The following PCDHA3 variants were observed in gnomAD, a reference collection of about 807,000 sequenced individuals.
PCDHA3 encodes the protein protocadherin alpha 3, also known as protocadherin alpha-3.
PCDHA3 carries 41 observed loss-of-function variants against 62.2 expected under a neutral mutation model. That is an observed-to-expected ratio of 0.66 (90% confidence interval 0.51 to 0.86). The LOEUF (loss-of-function observed/expected upper bound fraction) is 0.86, where lower values mean the gene tolerates loss of function less well. Ranked by LOEUF, PCDHA3 falls within the 40% of genes least tolerant of loss-of-function variation. PCDHA3 has a pLI of 0.00. For missense variants in PCDHA3, 1,304 were observed against 1,241.2 expected, an observed-to-expected ratio of 1.05 and a Z score of -0.76; for synonymous variants, 640 against 555.4, an observed-to-expected ratio of 1.15 and a Z score of -2.14.
chr5:140,905,851 A>G (rs1345912722), intron 1 of PCDHA3, among the ~76,000 whole-genome samples: 1 of 152,204 alleles, frequency 6.6e-6, no homozygotes, highest in Non-Finnish European at 1.5e-5. Context: ...ATTAAGGAGT[A>G]TTAACTCACA....
chr5:140,845,723 T>A (rs1461937173), intron 1 of PCDHA3, among the ~76,000 whole-genome samples: 7 of 149,666 alleles, frequency 4.7e-5, no homozygotes, highest in African/African-American at 1.5e-4. Context: ...GCATGATAAA[T>A]GTGAATTCTA....
At chr5:140,967,092 C>A (rs782344374) in intron 1 of PCDHA3, 4 of 1,613,156 alleles carry the variant, frequency 2.5e-6, no homozygotes, top group Non-Finnish European at 2.5e-6. Context: ...GATCGGGAGG[C>A]GCTGTGTGAG....
intron 1 of PCDHA3, among the ~76,000 whole-genome samples, chr5:140,935,456 C>G (rs981681011): frequency 6.6e-6 from 1 of 152,150 alleles, no homozygotes; most frequent in Non-Finnish European, 1.5e-5. Flanking sequence ...GATACTGTAG[C>G]AGTTTAAGTT....
intron 1 of PCDHA3, among the ~76,000 whole-genome samples, chr5:140,918,479 G>T (rs895821639): frequency 1.3e-5 from 2 of 152,092 alleles, no homozygotes; most frequent in Non-Finnish European, 2.9e-5. Flanking sequence ...AGTCTCAAGG[G>T]GAATGCTTTG....
At position 140,909,620 on chromosome 5, in the gene PCDHA3, A is replaced by G. The variant is rs576090849; in HGVS notation, c.2395-69329A>G. On this transcript the variant is annotated intron_variant, in intron 1 of 3. Transcript: ENST00000522353. Reference sequence around the variant, plus strand: ...ATTTTTCTAGGTAGAGGCAGCTCTAATTGGTCTTCCTATTTTGTCTTTTCC... The same window carrying G: ...ATTTTTCTAGGTAGAGGCAGCTCTAGTTGGTCTTCCTATTTTGTCTTTTCC... Among the ~76,000 whole-genome samples the G allele has an allele frequency of 3.8e-4, 58 of 152,240 alleles. 2 individuals carry two copies. The Middle Eastern group carries it at 0.01, about 27-fold the overall frequency.
At position 140,841,334 on chromosome 5, in the gene PCDHA3, T is replaced by C. The variant is rs2150313767; in HGVS notation, c.2394+37743T>C. The C allele has an allele frequency of 4.1e-5, 65 of 1,588,822 alleles. No homozygotes were observed. The African/African-American group carries it at 7.9e-4, about 19-fold the overall frequency. ...ACGACTATTTAACATGGATTATCAC[T>C]GGCGAGGAGAGCTGGGATCCTGGCG... On this transcript the variant is annotated intron_variant, in intron 1 of 3. Coordinates refer to ENST00000522353, the MANE Select transcript of PCDHA3 (RefSeq NM_018906.3).
At chr5:140,913,160 G>A (rs1437493261) in intron 1 of PCDHA3, among the ~76,000 whole-genome samples, 2 of 152,274 alleles carry the variant, frequency 1.3e-5, no homozygotes, top group East Asian at 3.9e-4. Flanking sequence ...AGTAGGATTG[G>A]TATTAGTTCT....
intron 3 of PCDHA3, among the ~76,000 whole-genome samples, chr5:140,989,715 G>A (rs2097356088): frequency 6.6e-6 from 1 of 152,166 alleles, no homozygotes; most frequent in Non-Finnish European, 1.5e-5. Flanking sequence ...GAGGCAGTCA[G>A]CTTTGCAGTT....
intron 1 of PCDHA3, among the ~76,000 whole-genome samples, chr5:140,871,818 A>G (rs2053326422): frequency 6.6e-6 from 1 of 152,250 alleles, no homozygotes; most frequent in South Asian, 2.1e-4. Flanking sequence ...TAAAGTACCC[A>G]TGCCCCTTCA....
At chr5:140,985,938 A>G (rs960910585) in intron 3 of PCDHA3, among the ~76,000 whole-genome samples, 8 of 151,748 alleles carry the variant, frequency 5.3e-5, no homozygotes, top group Non-Finnish European at 8.8e-5. Context: ...CCGGGGTTTC[A>G]CTGTGTTAGC....
chr5:140,809,290 C>T, intron 1 of PCDHA3: 1 of 1,614,126 alleles, frequency 6.2e-7, no homozygotes, highest in South Asian at 1.1e-5. Flanking sequence ...TATACCTGAT[C>T]ATTGCCATCT....
intron 1 of PCDHA3, among the ~76,000 whole-genome samples, chr5:140,951,992 A>G (rs1469467629): frequency 6.6e-6 from 1 of 152,212 alleles, no homozygotes; most frequent in Non-Finnish European, 1.5e-5. Flanking sequence ...AAAACCAGCC[A>G]AAAGAAAGAA....
intron 1 of PCDHA3, among the ~76,000 whole-genome samples, chr5:140,951,706 G>A (rs2094621330): frequency 6.6e-6 from 1 of 152,060 alleles, no homozygotes; most frequent in African/African-American, 2.4e-5. Context: ...CTTTGGGCGG[G>A]GACACAGATC....
intron 1 of PCDHA3, chr5:140,928,441 C>A: frequency 4.3e-6 from 7 of 1,614,140 alleles, no homozygotes; most frequent in Non-Finnish European, 5.9e-6. Context: ...TGACTTTGAG[C>A]AGCTCAGGGG....
At chr5:140,945,527 C>A (rs1268496424) in intron 1 of PCDHA3, among the ~76,000 whole-genome samples, 2 of 151,828 alleles carry the variant, frequency 1.3e-5, no homozygotes, top group African/African-American at 4.8e-5. Context: ...ATAAATAAAA[C>A]AAAACATACA....
intron 1 of PCDHA3, among the ~76,000 whole-genome samples, chr5:140,922,508 C>A (rs2080871857): frequency 6.6e-6 from 1 of 152,090 alleles, no homozygotes; most frequent in African/African-American, 2.4e-5. Flanking sequence ...GCAGATGCAC[C>A]ATTATTTCAA....
In PCDHA3 at chr5:140,849,917, C is replaced by A. The variant is rs2150457519; in HGVS notation, c.2394+46326C>A. ...AGAACAACCCGCCGGGCTGCCACATCTTCACGGTGTCTGCGCGGGACGCTG... is the reference window on the plus strand; with the variant it reads ...AGAACAACCCGCCGGGCTGCCACATATTCACGGTGTCTGCGCGGGACGCTG... On this transcript the variant is annotated intron_variant, in intron 1 of 3. Coordinates refer to ENST00000522353, the MANE Select transcript of PCDHA3 (RefSeq NM_018906.3). 7 of 1,598,228 alleles carry A rather than the reference C, an allele frequency of 4.4e-6. No individual in the cohort carries two copies. In the South Asian group the frequency reaches 7.7e-5, roughly 18 times the overall value.
At chr5:140,836,381 G>T (rs2150259346) in intron 1 of PCDHA3, 8 of 1,613,746 alleles carry the variant, frequency 5.0e-6, no homozygotes, top group South Asian at 1.1e-5. Context: ...CCACCGTGCT[G>T]GTGTCGCTGG....
intron 1 of PCDHA3, chr5:140,967,197 AC>A: frequency 6.2e-7 from 1 of 1,613,542 alleles, no homozygotes; most frequent in Non-Finnish European, 8.5e-7. Context: ...ATCAACGACA[AC>A]TCACCGCGTT....
Sources: gnomAD v4.1 joint callset for allele counts (sites outside exome capture counted in the v4.1 genomes callset) on GRCh38, gnomAD v4.1.1 for gene constraint, MANE v1.5 for transcripts, NCBI Gene and HGNC (gene_info 2026-07-23, HGNC 2026-07-21) for gene names.